MEGF6: variants seen among roughly 807,000 people sequenced by gnomAD.
MEGF6 encodes multiple epidermal growth factor-like domains protein 6.
In MEGF6, 184 loss-of-function variants were observed where a neutral mutation model predicts 207.1. The observed-to-expected ratio is 0.89, with a 90% CI of 0.79 to 1.00. The LOEUF (loss-of-function observed/expected upper bound fraction) is 1.00. Among genes scored for constraint, MEGF6 ranks in the 50% least tolerant of loss-of-function variants. MEGF6 has a pLI of 0.00. For synonymous variants in MEGF6, 1,038 were observed against 910.0 expected (o/e 1.14, Z -2.53); for missense variants, 2,282 against 2,202.9 (o/e 1.04, Z -0.72).
chr1:3,602,713 G>A lies in MEGF6; in HGVS notation c.132-113C>T, dbSNP rs1465712039. On this transcript the variant is annotated intron_variant, in intron 1 of 36. Transcript: ENST00000356575. ...CTCATCTGGAGTGAGGTCCAGACCC[G>A]TGGCCAGGCCTCCACGGCACAGTGC... 3.2e-5 allele frequency: 45 copies of A among 1,425,426 alleles called. No individual in the cohort carries two copies. The South Asian group carries it at 3.4e-4, about 11-fold the overall frequency. The allele number at this position is 1,425,426 out of a possible 1,614,324, so 88.3% of individuals were successfully genotyped here.
rs553771900 is a variant in MEGF6 at position 3,501,906 on chromosome 1, G to T, written c.2204C>A (p.Thr735Lys). The T allele has an allele frequency of 1.2e-6, 2 of 1,601,446 alleles. No individual in the cohort carries two copies. Among genetic ancestry groups the T allele is most frequent in the East Asian group, 2.3e-5 (1 of 43,978 alleles). ...GGAGCTCGAGCAGTTCACGCCAAAC[G>T]TCCCCACCGGGCACTCTGCAGGAGA... is the stretch of plus-strand genomic sequence containing the variant. ...EDCGQECPVG[T>K]FGVNCSSSCS... is the part of the protein sequence containing the mutation. The change falls in exon 18 of 37, where the codon ACG (threonine) becomes AAG (lysine). Residue 735 changes from threonine to lysine, a missense_variant. Transcript: ENST00000356575.
chr1:3,495,529 C>T (rs1021169265), intron 30 of MEGF6, among the ~76,000 whole-genome samples: 4 of 152,226 alleles, frequency 2.6e-5, no homozygotes, highest in African/African-American at 9.7e-5. Context: ...AGGACTCCAC[C>T]CTCGGGCAGA....
chr1:3,603,965 C>T (rs1164020301), intron 1 of MEGF6, among the ~76,000 whole-genome samples: 1 of 152,216 alleles, frequency 6.6e-6, no homozygotes, highest in African/African-American at 2.4e-5. Context: ...CTGAACAAAT[C>T]CAGAAAGCAC....
chr1:3,542,978 G>T (rs1642577335), intron 4 of MEGF6, among the ~76,000 whole-genome samples: 1 of 152,176 alleles, frequency 6.6e-6, no homozygotes, highest in African/African-American at 2.4e-5. Flanking sequence ...CTGCCCAGGG[G>T]CCTGGGAGGA....
chr1:3,600,196 C>T (rs538596352), intron 2 of MEGF6, among the ~76,000 whole-genome samples: 64 of 152,296 alleles, frequency 4.2e-4, no homozygotes, highest in African/African-American at 1.1e-3. Context: ...CTCAGTGCCC[C>T]GGCTGAATGG....
chr1:3,497,111 G>C lies in MEGF6; in HGVS notation c.3490C>G (p.Pro1164Ala), dbSNP rs775371962. 9.5e-6 allele frequency: 15 copies of C among 1,574,066 alleles called. No homozygotes were observed. Among genetic ancestry groups the C allele is most frequent in the Non-Finnish European group, 1.3e-5 (15 of 1,157,880 alleles). ...GCACAGTCCTCCCCAAAGCTGCCGG[G>C]TGGGCAGGCTGGGTGGAGACAGGCA... is the stretch of plus-strand genomic sequence containing the variant. ...TGSGCEQACPPGSFGEDCAQM... is the reference protein window; with the variant it reads ...TGSGCEQACPAGSFGEDCAQM... Residue 1164 changes from proline (P) to alanine (A), a missense_variant, in exon 28 of 37, where the codon CCC becomes GCC. Pro to Ala is a conservative substitution (Grantham distance 27). Coordinates refer to ENST00000356575, the MANE Select transcript of MEGF6 (RefSeq NM_001409.4).
intron 21 of MEGF6, among the ~76,000 whole-genome samples, chr1:3,500,215 G>C (rs372227944): frequency 6.6e-5 from 10 of 152,314 alleles, no homozygotes; most frequent in South Asian, 2.1e-4. Context: ...CAAGCCTCGG[G>C]GGCACACACT....
In MEGF6 at chr1:3,507,749, A is replaced by G. The variant is rs116495479; in HGVS notation, c.1789+46T>C. On this transcript the variant is annotated intron_variant, in intron 14 of 36. Coordinates refer to ENST00000356575, the MANE Select transcript of MEGF6 (RefSeq NM_001409.4). ...AGGGGTGGTGTCTCCCACTTCCCTT[A>G]CAGCCCAGGGGTAATTCCAGAAGCA... The G allele has an allele frequency of 4.4e-4, 707 of 1,612,150 alleles. 1 individual carries two copies. In the African/African-American group the frequency reaches 8.6e-3, roughly 20 times the overall value.
intron 14 of MEGF6, 106 bp from the exon 15 acceptor site, chr1:3,506,342 T>C (rs1641118645): frequency 7.1e-7 from 1 of 1,401,314 alleles, no homozygotes; most frequent in African/African-American, 1.4e-5. Flanking sequence ...GCACAGGAGC[T>C]GGGAGCAGCC....
intron 4 of MEGF6, among the ~76,000 whole-genome samples, chr1:3,549,973 C>T (rs1243692707): frequency 6.6e-6 from 1 of 152,190 alleles, no homozygotes; most frequent in Non-Finnish European, 1.5e-5. Flanking sequence ...CACTTCTCGC[C>T]AGCCCCAACC....
At chr1:3,501,970 T>A (rs1289427791) in intron 17 of MEGF6, 49 bp from the exon 18 acceptor site, 2 of 1,209,762 alleles carry the variant, frequency 1.7e-6, no homozygotes, top group Admixed American at 3.4e-5. Context: ...TGGAGTGGAC[T>A]GACCAGAGCC....
Position 3,539,360 on chromosome 1 carries a change from A to G in MEGF6, c.482-15114T>C, listed in dbSNP as rs1002663994. ...GGCCGGGGTGGCTGTGGGAGATAAA[A>G]GTAGAGGGAACACGACGGGAGAGGG... On this transcript the variant is annotated intron_variant, in intron 4 of 36. Coordinates refer to ENST00000356575, the MANE Select transcript of MEGF6 (RefSeq NM_001409.4). Among the ~76,000 whole-genome samples the G allele has an allele frequency of 8.6e-5, 13 of 151,964 alleles. 1 individual carries two copies. The highest frequency in any genetic ancestry group is 6.6e-4 in the Admixed American group (10 of 15,266).
chr1:3,499,449 C>A, intron 23 of MEGF6, 139 bp downstream of exon 23: 10 of 1,423,194 alleles, frequency 7.0e-6, no homozygotes, highest in Non-Finnish European at 9.4e-6. Flanking sequence ...ACGCTCTGGC[C>A]CGAGTGAGCA....
intron 1 of MEGF6, among the ~76,000 whole-genome samples, chr1:3,603,128 G>T (rs568244420): frequency 6.6e-6 from 1 of 152,326 alleles, no homozygotes; most frequent in South Asian, 2.1e-4. Flanking sequence ...GCTCTTGGAG[G>T]AGGAGGTGAA....
At chr1:3,539,383 G>A (rs571811303) in intron 4 of MEGF6, among the ~76,000 whole-genome samples, 7 of 152,198 alleles carry the variant, frequency 4.6e-5, no homozygotes, top group East Asian at 3.9e-4. Flanking sequence ...CGACGGGAGA[G>A]GGGGAGGCTC....
chr1:3,530,998 A>C, intron 4 of MEGF6: 1 of 1,399,104 alleles, frequency 7.1e-7, no homozygotes, highest in Non-Finnish European at 9.2e-7. Context: ...CCTGGCGCAA[A>C]CTTTAAAAAC....
In MEGF6 at chr1:3,496,790, G is replaced by GGA. The variant is rs1557715490; in HGVS notation, c.3614-9_3614-8dup. Reference sequence around the variant, plus strand: ...TACCGCCCGGGCGGACATCCTGCAGGGAGAGGGGCTAGCTGCAGGGGCTGG... The same window carrying GGA: ...TACCGCCCGGGCGGACATCCTGCAGGGAGAGAGGGGCTAGCTGCAGGGGCTGG... On this transcript the variant is annotated splice_polypyrimidine_tract_variant and splice_region_variant and intron_variant, in intron 28 of 36. Coordinates refer to ENST00000356575, the MANE Select transcript of MEGF6 (RefSeq NM_001409.4). 1 of 1,554,044 alleles carries GGA rather than the reference G, an allele frequency of 6.4e-7. No homozygotes were observed. Among genetic ancestry groups the GGA allele is most frequent in the Admixed American group, 1.9e-5 (1 of 51,584 alleles).
At chr1:3,498,253 G>C in intron 26 of MEGF6, 118 bp downstream of exon 26, 1 of 1,306,578 alleles carries the variant, frequency 7.7e-7, no homozygotes, top group South Asian at 1.5e-5. Context: ...GCATTCACAG[G>C]ACAACAGGTC....
intron 7 of MEGF6, among the ~76,000 whole-genome samples, chr1:3,514,311 T>G (rs1641459617): frequency 6.6e-6 from 1 of 151,554 alleles, no homozygotes; most frequent in Admixed American, 6.6e-5. Flanking sequence ...GCTCCCTGGC[T>G]CACTCCTAGT....
Sources: allele counts gnomAD v4.1 joint callset (sites outside exome capture counted in the v4.1 genomes callset), GRCh38; gene constraint gnomAD v4.1.1; transcripts MANE v1.5; gene names NCBI Gene and HGNC (gene_info 2026-07-23, HGNC 2026-07-21).